Variants in LDB2 observed in about 807,000 individuals in gnomAD.
The protein encoded by LDB2 is LIM domain binding 2.
A neutral mutation model predicts 44.3 loss-of-function variants in LDB2; 12 were observed. The observed-to-expected ratio is 0.27, with a 90% CI of 0.17 to 0.44. The LOEUF is 0.44. Among genes scored for constraint, LDB2 ranks in the 20% least tolerant of loss-of-function variants. LDB2 has a pLI of 1.00. For missense variants in LDB2, 344 were observed against 473.5 expected (o/e 0.73, Z 2.54); for synonymous variants, 164 against 174.8 (o/e 0.94, Z 0.49).
intron 1 of LDB2, among the ~76,000 whole-genome samples, chr4:16,850,262 T>C (rs1787921011): frequency 6.6e-6 from 1 of 152,084 alleles, no homozygotes; most frequent in African/African-American, 2.4e-5. Flanking sequence ...AAGGGAAATA[T>C]CCCAGGCTTT....
At chr4:16,842,754 T>C (rs749689964) in intron 1 of LDB2, among the ~76,000 whole-genome samples, 6 of 152,144 alleles carry the variant, frequency 3.9e-5, no homozygotes, top group Non-Finnish European at 8.8e-5. Context: ...CCTGGAACAA[T>C]TTTTCTCTCT....
intron 2 of LDB2, among the ~76,000 whole-genome samples, chr4:16,602,078 T>C (rs1413419424): frequency 6.6e-6 from 1 of 152,220 alleles, no homozygotes; most frequent in Non-Finnish European, 1.5e-5. Context: ...TTTCTCAAAC[T>C]AATTTACTTG....
intron 5 of LDB2, among the ~76,000 whole-genome samples, chr4:16,542,166 TCA>T (rs1734084697): frequency 6.7e-6 from 1 of 149,264 alleles, no homozygotes; most frequent in African/African-American, 2.5e-5. Flanking sequence ...CCTCATTTAC[TCA>T]TCCACTAAGA....
At chr4:16,523,240 T>C (rs1203860416) in intron 5 of LDB2, among the ~76,000 whole-genome samples, 1 of 152,196 alleles carries the variant, frequency 6.6e-6, no homozygotes, top group African/African-American at 2.4e-5. Flanking sequence ...CCAAATTCTA[T>C]ATATACCATT....
intron 1 of LDB2, among the ~76,000 whole-genome samples, chr4:16,866,922 C>T (rs985942155): frequency 1.1e-4 from 16 of 151,654 alleles, no homozygotes; most frequent in Non-Finnish European, 2.2e-4. Context: ...GTAGATATTC[C>T]CATATCAATG....
chr4:16,741,651 T>A (rs1427828887), intron 2 of LDB2: 1 of 152,218 alleles, frequency 6.6e-6, no homozygotes, highest in Non-Finnish European at 1.5e-5. Flanking sequence ...AAGATGTATT[T>A]CTTTACTTAG....
intron 1 of LDB2, among the ~76,000 whole-genome samples, chr4:16,788,936 C>T (rs1333823879): frequency 6.6e-6 from 1 of 152,172 alleles, no homozygotes; most frequent in Non-Finnish European, 1.5e-5. Flanking sequence ...AGTAGGGGCT[C>T]CCCAAAGCCC....
At chr4:16,712,415 G>C (rs1756100846) in intron 2 of LDB2, among the ~76,000 whole-genome samples, 1 of 152,074 alleles carries the variant, frequency 6.6e-6, no homozygotes, top group Admixed American at 6.6e-5. Context: ...AGCTGGGCAT[G>C]GTGGCAAGCG....
At chr4:16,616,484 C>G (rs1326154295) in intron 2 of LDB2, among the ~76,000 whole-genome samples, 2 of 151,888 alleles carry the variant, frequency 1.3e-5, no homozygotes, top group African/African-American at 4.8e-5. Context: ...ATAAAATCAA[C>G]TTGATGTCCA....
At chr4:16,602,645 C>T (rs1009638005) in intron 2 of LDB2, among the ~76,000 whole-genome samples, 5 of 152,126 alleles carry the variant, frequency 3.3e-5, no homozygotes, top group African/African-American at 1.2e-4. Context: ...AACATGGTCT[C>T]AAAACACCAT....
intron 2 of LDB2, chr4:16,674,329 G>T (rs1303807779): frequency 8.3e-7 from 1 of 1,197,920 alleles, no homozygotes; most frequent in South Asian, 1.3e-5. Flanking sequence ...ACTGCAGAAA[G>T]ACAGTGCTCT....
chr4:16,521,219 C>T (rs923494032), intron 5 of LDB2, among the ~76,000 whole-genome samples: 6 of 152,140 alleles, frequency 3.9e-5, no homozygotes, highest in African/African-American at 1.4e-4. Flanking sequence ...GGCTGGAAAT[C>T]TGAAATCAAG....
chr4:16,563,721 G>A (rs1306875642), intron 5 of LDB2, among the ~76,000 whole-genome samples: 2 of 151,186 alleles, frequency 1.3e-5, no homozygotes, highest in Non-Finnish European at 2.9e-5. Context: ...GCCTCCCAAT[G>A]TGCTGGGATT....
At chr4:16,851,528 A>G (rs1055662443) in intron 1 of LDB2, among the ~76,000 whole-genome samples, 7 of 151,640 alleles carry the variant, frequency 4.6e-5, no homozygotes, top group Non-Finnish European at 1.0e-4. Context: ...CAGGAGGTGG[A>G]GGTTGCAGTG....
intron 1 of LDB2, among the ~76,000 whole-genome samples, chr4:16,816,407 C>CTTTTTTTTTTTTTTTTTTTTT (rs1171864969): frequency 8.3e-6 from 1 of 121,020 alleles, no homozygotes; most frequent in Non-Finnish European, 1.7e-5. Context: ...CTTTTTCTTT[C>CTTTTTTTTTTTTTTTTTTTTT]TTTTTTTTTT....
At chr4:16,721,506 T>C (rs1017363990) in intron 2 of LDB2, among the ~76,000 whole-genome samples, 5 of 152,258 alleles carry the variant, frequency 3.3e-5, no homozygotes, top group Admixed American at 1.3e-4. Flanking sequence ...ACTGAGTCCA[T>C]TAAAATTAGC....
At chr4:16,650,380 T>G (rs2152523588) in intron 2 of LDB2, among the ~76,000 whole-genome samples, 1 of 152,320 alleles carries the variant, frequency 6.6e-6, no homozygotes, top group Non-Finnish European at 1.5e-5. Context: ...GTTGGTTTGC[T>G]TGGTGTAATT....
chr4:16,574,989 G>A (rs1203942084), intron 5 of LDB2, among the ~76,000 whole-genome samples: 1 of 152,104 alleles, frequency 6.6e-6, no homozygotes, highest in Non-Finnish European at 1.5e-5. Flanking sequence ...TATTATTAAT[G>A]CCTCTGCCAT....
chr4:16,821,632 G>A (rs1277552053), intron 1 of LDB2, among the ~76,000 whole-genome samples: 1 of 147,314 alleles, frequency 6.8e-6, no homozygotes, highest in African/African-American at 2.5e-5. Context: ...CTCGTGATCT[G>A]CCCACCTCGG....
Sources: gnomAD v4.1 joint callset for allele counts (sites outside exome capture counted in the v4.1 genomes callset) on GRCh38, gnomAD v4.1.1 for gene constraint, MANE v1.5 for transcripts, NCBI Gene and HGNC (gene_info 2026-07-23, HGNC 2026-07-21) for gene names.